Variants in AOAH observed in about 807,000 individuals in gnomAD.
The protein encoded by AOAH is acyloxyacyl hydrolase (neutrophil).
Under a neutral mutation model 92.2 loss-of-function variants are expected in AOAH, and 64 were observed. That is an observed-to-expected ratio of 0.69 (90% CI 0.57 to 0.86). AOAH has a LOEUF of 0.86. Ranked by LOEUF, AOAH falls within the 40% of genes least tolerant of loss-of-function variation. The pLI is 0.00. For missense variants in AOAH, 656 were observed against 694.6 expected, an observed-to-expected ratio of 0.94 and a Z score of 0.62; for synonymous variants, 263 against 254.5, an observed-to-expected ratio of 1.03 and a Z score of -0.32.
At chr7:36,715,453 T>C (rs1799082905) in intron 1 of AOAH, among the ~76,000 whole-genome samples, 1 of 151,732 alleles carries the variant, frequency 6.6e-6, no homozygotes, top group African/African-American at 2.4e-5. Context: ...ATGACTTTCT[T>C]CACAGAATTG....
chr7:36,673,671 T>C (rs1008085557), intron 3 of AOAH, among the ~76,000 whole-genome samples: 2 of 152,062 alleles, frequency 1.3e-5, no homozygotes, highest in African/African-American at 4.8e-5. Flanking sequence ...AGATGTGGCC[T>C]GGGAATCCAG....
intron 13 of AOAH, among the ~76,000 whole-genome samples, chr7:36,552,851 C>T (rs996492883): frequency 2.1e-4 from 32 of 152,172 alleles, no homozygotes; most frequent in African/African-American, 7.7e-4. Flanking sequence ...TACATTAATT[C>T]GCTTAGGATA....
At chr7:36,675,184 A>G (rs1796172485) in intron 2 of AOAH, among the ~76,000 whole-genome samples, 1 of 152,166 alleles carries the variant, frequency 6.6e-6, no homozygotes, top group South Asian at 2.1e-4. Context: ...TGAACCCGGG[A>G]GGTGGAGGTT....
chr7:36,557,775 A>G (rs1433784628), intron 13 of AOAH, among the ~76,000 whole-genome samples: 2 of 152,182 alleles, frequency 1.3e-5, no homozygotes, highest in Non-Finnish European at 2.9e-5. Context: ...AGTTGATTGC[A>G]TCGGCTCCTG....
At chr7:36,562,942 T>C (rs1302444903) in intron 13 of AOAH, among the ~76,000 whole-genome samples, 1 of 150,802 alleles carries the variant, frequency 6.6e-6, no homozygotes, top group Non-Finnish European at 1.5e-5. Flanking sequence ...AAGTCAGGAG[T>C]TCGAGACCAA....
intron 4 of AOAH, among the ~76,000 whole-genome samples, chr7:36,646,780 A>AT (rs965698756): frequency 2.0e-5 from 3 of 151,830 alleles, no homozygotes; most frequent in African/African-American, 4.8e-5. Flanking sequence ...CTGTTGTCAC[A>AT]TTTTTTTTCT....
chr7:36,569,859 C>G (rs1788008918), intron 13 of AOAH, among the ~76,000 whole-genome samples: 1 of 152,102 alleles, frequency 6.6e-6, no homozygotes. Context: ...GTAATCCACC[C>G]ACCTTGGCCT....
rs1562854281 is a variant in AOAH at position 36,517,266 on chromosome 7, T to TC, written c.1600-3887_1600-3886insG. ...TCTCTTTCTTTCTGTGTCTCTCTCT[T>TC]TCTTTCTTTCTTTCTTTCTTTCTTT... On this transcript the variant is annotated intron_variant, in intron 20 of 20. Coordinates refer to ENST00000617537, the MANE Select transcript of AOAH (RefSeq NM_001637.4). 1.8e-3 allele frequency among the ~76,000 whole-genome samples: 8 copies of TC among 4,568 alleles called. No individual in the cohort carries two copies. In the Non-Finnish European group the frequency reaches 0.035, roughly 20 times the overall value. The allele number at this position is 4,568 out of a possible 152,430, so 3.0% of individuals were successfully genotyped here. A position where few individuals can be genotyped will look rare whatever the true frequency, so the allele number is the denominator to read the frequency against.
intron 12 of AOAH, among the ~76,000 whole-genome samples, chr7:36,586,064 GC>G (rs2116725024): frequency 6.6e-6 from 1 of 152,198 alleles, no homozygotes; most frequent in African/African-American, 2.4e-5. Flanking sequence ...CAAGGATGGT[GC>G]CTCCTTATGC....
rs1464488604 is a variant in AOAH at position 36,608,836 on chromosome 7, C to G, written c.846+7544G>C. On this transcript the variant is annotated intron_variant, in intron 11 of 20. Coordinates refer to ENST00000617537, the MANE Select transcript of AOAH (RefSeq NM_001637.4). ...TAATTATGGGAGCAATCCCTCTTCTCTCAAAGTGTCCAGTTTGGACAATAA... is the reference window on the plus strand; with the variant it reads ...TAATTATGGGAGCAATCCCTCTTCTGTCAAAGTGTCCAGTTTGGACAATAA... 3.5e-5 allele frequency among the ~76,000 whole-genome samples: 5 copies of G among 144,842 alleles called. No individual in the cohort carries two copies. In the Admixed American group the frequency reaches 3.6e-4, roughly 11 times the overall value.
At chr7:36,633,123 G>A (rs1793253170) in intron 5 of AOAH, among the ~76,000 whole-genome samples, 1 of 152,256 alleles carries the variant, frequency 6.6e-6, no homozygotes, top group Non-Finnish European at 1.5e-5. Context: ...TGACCCTGCA[G>A]TGAGGTGGGA....
At chr7:36,655,184 C>T (rs945798967) in intron 4 of AOAH, among the ~76,000 whole-genome samples, 2 of 152,194 alleles carry the variant, frequency 1.3e-5, no homozygotes, top group African/African-American at 4.8e-5. Flanking sequence ...TGTCTCTCTG[C>T]CACACCTTCG....
chr7:36,593,815 C>T (rs1022312252), intron 12 of AOAH, among the ~76,000 whole-genome samples: 3 of 152,180 alleles, frequency 2.0e-5, no homozygotes, highest in African/African-American at 7.2e-5. Context: ...TGCCAAGTTT[C>T]ACCAGCATCA....
At chr7:36,658,517 A>T (rs1795018541) in intron 4 of AOAH, among the ~76,000 whole-genome samples, 1 of 152,212 alleles carries the variant, frequency 6.6e-6, no homozygotes, top group Non-Finnish European at 1.5e-5. Context: ...CAATCTAATT[A>T]AAAGCTACAC....
chr7:36,588,201 T>C (rs1362030140), intron 12 of AOAH, among the ~76,000 whole-genome samples: 5 of 152,280 alleles, frequency 3.3e-5, no homozygotes, highest in Admixed American at 6.5e-5. Context: ...TGACTACTAA[T>C]AGAGTTTGGT....
intron 2 of AOAH, among the ~76,000 whole-genome samples, chr7:36,676,096 A>G (rs1394171476): frequency 6.6e-6 from 1 of 152,194 alleles, no homozygotes; most frequent in South Asian, 2.1e-4. Flanking sequence ...CTTTTATTCA[A>G]CGTTATAAGT....
At chr7:36,723,939 AAT>A in intron 1 of AOAH, 81 bp downstream of exon 1, 1 of 1,449,076 alleles carries the variant, frequency 6.9e-7, no homozygotes, top group Non-Finnish European at 9.3e-7. Context: ...GATTTAATAA[AAT>A]ATGTGATTTA....
rs75953406 is a variant in AOAH at position 36,528,398 on chromosome 7, C to T, written c.1522+2020G>A. The stretch of plus-strand genomic sequence containing the variant: ...GATGAGGCCCTGCTTCCAAGCATAT[C>T]AGTTCACCAGTGGAATTCTGGACAG... On this transcript the variant is annotated intron_variant, in intron 19 of 20. Coordinates refer to ENST00000617537, the MANE Select transcript of AOAH (RefSeq NM_001637.4). 1.1e-3 allele frequency among the ~76,000 whole-genome samples: 160 copies of T among 152,264 alleles called. 1 individual carries two copies. In the East Asian group the frequency reaches 0.026, roughly 25 times the overall value.
intron 19 of AOAH, among the ~76,000 whole-genome samples, chr7:36,529,565 C>A (rs1784577804): frequency 7.4e-6 from 1 of 134,994 alleles, no homozygotes. Flanking sequence ...CTGCTCCAAC[C>A]CAGATGCTGC....
Sources: allele counts gnomAD v4.1 joint callset (sites outside exome capture counted in the v4.1 genomes callset), GRCh38; gene constraint gnomAD v4.1.1; transcripts MANE v1.5; gene names NCBI Gene and HGNC (gene_info 2026-07-23, HGNC 2026-07-21).